The following RUNDC3B variants were observed in gnomAD, a reference collection of about 807,000 sequenced individuals.
The protein encoded by RUNDC3B is RUN domain containing 3B, also known as RUN domain-containing protein 3B.
RUNDC3B carries 33 observed loss-of-function variants against 58.4 expected under a neutral mutation model. The ratio of observed to expected loss-of-function variants is 0.56; its 90% CI spans 0.43 to 0.75. RUNDC3B has a LOEUF of 0.75. RUNDC3B is among the 30% of genes least tolerant of loss of function. The pLI is 0.00. For missense variants in RUNDC3B, 501 were observed against 535.7 expected, an observed-to-expected ratio of 0.94 and a Z score of 0.64; for synonymous variants, 193 against 195.2, an observed-to-expected ratio of 0.99 and a Z score of 0.10.
intron 2 of RUNDC3B, among the ~76,000 whole-genome samples, chr7:87,655,510 TAAAA>T (rs767825569): frequency 3.9e-5 from 6 of 152,118 alleles, no homozygotes; most frequent in Non-Finnish European, 8.8e-5. Context: ...ACATGGCATC[TAAAA>T]AAGTTGAATT....
intron 8 of RUNDC3B, among the ~76,000 whole-genome samples, chr7:87,801,700 C>T (rs565598833): frequency 3.9e-4 from 59 of 152,144 alleles, no homozygotes; most frequent in African/African-American, 1.2e-3. Context: ...ACCCAGGAGG[C>T]GGAGGTTGCA....
At chr7:87,825,047 G>T (rs1353921231) in intron 10 of RUNDC3B, among the ~76,000 whole-genome samples, 1 of 151,908 alleles carries the variant, frequency 6.6e-6, no homozygotes, top group Non-Finnish European at 1.5e-5. Context: ...GTGAAACCCT[G>T]TCACTACTAA....
chr7:87,667,307 G>A (rs1825356721), intron 2 of RUNDC3B, among the ~76,000 whole-genome samples: 1 of 151,974 alleles, frequency 6.6e-6, no homozygotes, highest in Admixed American at 6.6e-5. Context: ...TGGTGTATAG[G>A]AATGCTAGTG....
intron 1 of RUNDC3B, among the ~76,000 whole-genome samples, chr7:87,636,003 A>C (rs1370114159): frequency 6.6e-6 from 1 of 152,106 alleles, no homozygotes; most frequent in African/African-American, 2.4e-5. Flanking sequence ...ACTGACTGTC[A>C]TCTGAGTTGT....
intron 4 of RUNDC3B, among the ~76,000 whole-genome samples, chr7:87,717,028 TGCTC>T (rs1830588400): frequency 6.6e-6 from 1 of 152,192 alleles, no homozygotes; most frequent in African/African-American, 2.4e-5. Context: ...GTAACTCCTG[TGCTC>T]AAGTATCCTC....
chr7:87,741,439 C>G (rs1480109027), intron 5 of RUNDC3B, 60 bp from the exon 6 acceptor site: 9 of 978,106 alleles, frequency 9.2e-6, no homozygotes, highest in South Asian at 3.7e-5. Flanking sequence ...TTTCATGAAA[C>G]TTAACTTTGA....
At chr7:87,677,397 A>G (rs999523585) in intron 2 of RUNDC3B, among the ~76,000 whole-genome samples, 1 of 152,084 alleles carries the variant, frequency 6.6e-6, no homozygotes, top group African/African-American at 2.4e-5. Context: ...AGGTCAATAA[A>G]CTACATGAAA....
chr7:87,706,632 C>G (rs1829614890), intron 3 of RUNDC3B, among the ~76,000 whole-genome samples: 1 of 152,194 alleles, frequency 6.6e-6, no homozygotes, highest in African/African-American at 2.4e-5. Context: ...GCCGCACATC[C>G]ATCTTTGCTT....
intron 2 of RUNDC3B, among the ~76,000 whole-genome samples, chr7:87,652,646 A>AT (rs1563105075): frequency 4.1e-5 from 6 of 147,212 alleles, no homozygotes; most frequent in South Asian, 4.3e-4. Flanking sequence ...ATATATATAT[A>AT]GTAGGAAGTA....
intron 8 of RUNDC3B, among the ~76,000 whole-genome samples, chr7:87,805,584 T>C (rs1394638136): frequency 2.0e-5 from 3 of 152,214 alleles, no homozygotes; most frequent in Non-Finnish European, 2.9e-5. Context: ...ACAATAGTTA[T>C]ATAAAAACTG....
intron 2 of RUNDC3B, among the ~76,000 whole-genome samples, chr7:87,700,137 G>C (rs1303026697): frequency 6.6e-6 from 1 of 152,006 alleles, no homozygotes; most frequent in African/African-American, 2.4e-5. Flanking sequence ...ATGTTAAATG[G>C]CAAGATATTT....
At chr7:87,653,028 A>AAG (rs1678572563) in intron 2 of RUNDC3B, among the ~76,000 whole-genome samples, 1 of 152,076 alleles carries the variant, frequency 6.6e-6, no homozygotes, top group South Asian at 2.1e-4. Flanking sequence ...AGGCAAAGTG[A>AAG]AGAGCTGAGA....
At chr7:87,693,893 ATT>A in intron 2 of RUNDC3B, 3 of 1,462,276 alleles carry the variant, frequency 2.1e-6, no homozygotes, top group Non-Finnish European at 1.9e-6. Flanking sequence ...TGTTGTTGTT[ATT>A]TTTTTTTTAA....
intron 9 of RUNDC3B, 127 bp from the exon 10 acceptor site, chr7:87,816,014 A>C (rs1244751264): frequency 3.0e-6 from 2 of 668,568 alleles, no homozygotes; most frequent in Non-Finnish European, 5.1e-6. Context: ...ATGAAGCAAA[A>C]TTTAGGAGAA....
At chr7:87,823,065 G>T (rs962786017) in intron 10 of RUNDC3B, among the ~76,000 whole-genome samples, 1 of 151,420 alleles carries the variant, frequency 6.6e-6, no homozygotes, top group African/African-American at 2.4e-5. Flanking sequence ...TAAAAAAAAA[G>T]ATCACATGTG....
chr7:87,782,462 G>C (rs187379036), intron 8 of RUNDC3B, among the ~76,000 whole-genome samples: 18 of 151,928 alleles, frequency 1.2e-4, no homozygotes, highest in Non-Finnish European at 2.1e-4. Context: ...TTGTGTCTCA[G>C]TTTTGTTCAG....
chr7:87,760,470 A>G (rs1008051926), intron 6 of RUNDC3B, among the ~76,000 whole-genome samples: 3 of 152,058 alleles, frequency 2.0e-5, no homozygotes, highest in African/African-American at 7.2e-5. Flanking sequence ...GTTTGTAGAA[A>G]TGGACAAGCT....
rs183748342 is a variant in RUNDC3B at position 87,805,720 on chromosome 7, C to T, written c.957-1653C>T. 3.3e-5 allele frequency among the ~76,000 whole-genome samples: 5 copies of T among 152,242 alleles called. No individual in the cohort carries two copies. The East Asian group carries it at 9.6e-4, about 29-fold the overall frequency. On this transcript the variant is annotated intron_variant, in intron 8 of 10. Coordinates refer to ENST00000394654, the MANE Select transcript of RUNDC3B (RefSeq NM_001134405.2). The stretch of plus-strand genomic sequence containing the variant: ...AACTGTGTTCTACCAGTGCCATTTC[C>T]TCACAGATGCACCTTTGCTTTTCTC...
chr7:87,638,384 C>T (rs933541505), intron 1 of RUNDC3B, among the ~76,000 whole-genome samples: 1 of 125,232 alleles, frequency 8.0e-6, no homozygotes, highest in Non-Finnish European at 1.7e-5. Flanking sequence ...TGTGTGTTTC[C>T]TCCCCTGTTC....
Sources: allele counts gnomAD v4.1 joint callset (sites outside exome capture counted in the v4.1 genomes callset), GRCh38; gene constraint gnomAD v4.1.1; transcripts MANE v1.5; gene names NCBI Gene and HGNC (gene_info 2026-07-23, HGNC 2026-07-21).